SYNRG: variants seen among roughly 807,000 people sequenced by gnomAD.
SYNRG encodes AP1 gamma subunit binding protein 1.
Under a neutral mutation model 130.9 loss-of-function variants are expected in SYNRG, and 37 were observed. The ratio of observed to expected loss-of-function variants is 0.28; its 90% CI spans 0.22 to 0.37. The LOEUF is 0.37. Ranked by LOEUF, SYNRG falls within the 10% of genes least tolerant of loss-of-function variation. SYNRG has a pLI of 1.00. For missense variants in SYNRG, 1,338 were observed against 1,588.9 expected, an observed-to-expected ratio of 0.84 and a Z score of 2.68; for synonymous variants, 539 against 568.1, an observed-to-expected ratio of 0.95 and a Z score of 0.73.
rs118081214 is a variant in SYNRG at position 37,596,845 on chromosome 17, C to A, written c.119-501G>T. On this transcript the variant is annotated intron_variant, in intron 2 of 21. Transcript: ENST00000612223. Reference sequence around the variant, plus strand: ...GTGGCATGATCTCAGCTCACTGCAACTTCCACCTCCTGGGTTCAAGCCTCC... The same window carrying A: ...GTGGCATGATCTCAGCTCACTGCAAATTCCACCTCCTGGGTTCAAGCCTCC... 8.4e-3 allele frequency among the ~76,000 whole-genome samples: 1,278 copies of A among 152,256 alleles called. 10 individuals carry two copies. The highest frequency in any genetic ancestry group is 0.014 in the Middle Eastern group (4 of 294).
At chr17:37,608,931 G>A (rs776341909) in intron 1 of SYNRG, among the ~76,000 whole-genome samples, 5 of 152,154 alleles carry the variant, frequency 3.3e-5, no homozygotes, top group Non-Finnish European at 5.9e-5. Flanking sequence ...GAAGACCCTG[G>A]TCGCTTCAGA....
chr17:37,603,698 C>G (rs2063496221), intron 1 of SYNRG, among the ~76,000 whole-genome samples: 1 of 152,176 alleles, frequency 6.6e-6, no homozygotes, highest in Admixed American at 6.5e-5. Flanking sequence ...GCTTAAAATA[C>G]TCAGTAAACC....
intron 17 of SYNRG, 31 bp from the exon 18 acceptor site, chr17:37,538,451 T>C (rs2057411072): frequency 1.3e-6 from 2 of 1,491,180 alleles, no homozygotes; most frequent in Non-Finnish European, 9.2e-7. Flanking sequence ...TCACCTTACA[T>C]AACTGAGAAA....
rs527677576 is a variant in SYNRG at position 37,550,552 on chromosome 17, AAG to A, written c.2608+2561_2608+2562del. Reference sequence around the variant, plus strand: ...TTAACACAAGACTTACAGATCACAAAAGAGAGTGATACAGAAGAGCTGGAAAA... The same window carrying A: ...TTAACACAAGACTTACAGATCACAAAAGAGTGATACAGAAGAGCTGGAAAA... On this transcript the variant is annotated intron_variant, in intron 14 of 21. Coordinates refer to ENST00000612223, the MANE Select transcript of SYNRG (RefSeq NM_007247.6). Among the ~76,000 whole-genome samples, 3 of 152,342 alleles carry A rather than the reference AAG, an allele frequency of 2.0e-5. No individual in the cohort carries two copies. The South Asian group carries it at 6.2e-4, about 32-fold the overall frequency.
At chr17:37,583,030 G>A (rs769185717) in intron 6 of SYNRG, among the ~76,000 whole-genome samples, 7 of 150,682 alleles carry the variant, frequency 4.6e-5, no homozygotes, top group African/African-American at 1.2e-4. Flanking sequence ...TCACTCTGTC[G>A]TCCAGGCTGG....
chr17:37,578,947 T>C (rs1443008496), intron 6 of SYNRG, among the ~76,000 whole-genome samples: 1 of 152,236 alleles, frequency 6.6e-6, no homozygotes, highest in Non-Finnish European at 1.5e-5. Flanking sequence ...TTAAATCACC[T>C]TTCTGGAATG....
chr17:37,579,368 T>A, intron 6 of SYNRG: 1 of 1,304,310 alleles, frequency 7.7e-7, no homozygotes, highest in Non-Finnish European at 1.0e-6. Context: ...GTCACTGAAT[T>A]CTTCTTCATC....
intron 6 of SYNRG, among the ~76,000 whole-genome samples, chr17:37,578,410 G>C (rs2061026696): frequency 6.6e-6 from 1 of 152,102 alleles, no homozygotes; most frequent in Admixed American, 6.5e-5. Context: ...AGAGATTTTA[G>C]AGAATGTAAA....
rs138286366 is a variant in SYNRG at position 37,587,447 on chromosome 17, A to C, written c.241-898T>G. Among the ~76,000 whole-genome samples the C allele has an allele frequency of 4.6e-3, 706 of 152,268 alleles. 2 individuals carry two copies. Among genetic ancestry groups the C allele is most frequent in the Middle Eastern group, 0.01 (3 of 294 alleles). On this transcript the variant is annotated intron_variant, in intron 3 of 21. Coordinates refer to ENST00000612223, the MANE Select transcript of SYNRG (RefSeq NM_007247.6). ...TGTCCCTAACTAAAGTCTGTCCGTG[A>C]AACACTCTCATTTGGAGACTGCTAC...
At chr17:37,525,909 T>G (rs1369228168) in intron 19 of SYNRG, among the ~76,000 whole-genome samples, 1 of 152,204 alleles carries the variant, frequency 6.6e-6, no homozygotes, top group South Asian at 2.1e-4. Flanking sequence ...GAGGTTGAAG[T>G]GAGCCAAGAT....
rs1290514566 is a variant in SYNRG, at chr17:37,519,034, T to C, written c.3851A>G (p.Tyr1284Cys). Residue 1284 changes from tyrosine to cysteine, a missense_variant, in exon 22 of 22, where the codon TAT becomes TGT. Coordinates refer to ENST00000612223, the MANE Select transcript of SYNRG (RefSeq NM_007247.6). Reference protein sequence around the residue: ...NSETDSFKLAYGGHQYHASCA... With the variant: ...NSETDSFKLACGGHQYHASCA... ...GCTGGCGTGATACTGGTGCCCTCCA[T>C]AGGCCAGCTTGAAACTGTCTGTTTC... 4.3e-6 allele frequency: 7 copies of C among 1,614,232 alleles called. No homozygotes were observed. The highest frequency in any genetic ancestry group is 5.9e-6 in the Non-Finnish European group (7 of 1,180,028).
intron 19 of SYNRG, among the ~76,000 whole-genome samples, chr17:37,533,536 A>C (rs1031358830): frequency 4.7e-5 from 7 of 149,996 alleles, no homozygotes; most frequent in African/African-American, 1.2e-4. Flanking sequence ...TTAGTTAATA[A>C]TTTTTTTAAA....
intron 1 of SYNRG, among the ~76,000 whole-genome samples, chr17:37,606,758 G>A (rs774783525): frequency 6.6e-6 from 1 of 152,048 alleles, no homozygotes; most frequent in Non-Finnish European, 1.5e-5. Flanking sequence ...CAAAAGTAGG[G>A]TAATATTAAA....
chr17:37,554,282 G>A (rs2058937406), intron 13 of SYNRG, among the ~76,000 whole-genome samples: 1 of 152,090 alleles, frequency 6.6e-6, no homozygotes, highest in African/African-American at 2.4e-5. Flanking sequence ...AGTACCTGAC[G>A]GTACCATTTT....
intron 19 of SYNRG, among the ~76,000 whole-genome samples, chr17:37,522,559 C>A (rs979196751): frequency 6.6e-6 from 1 of 152,006 alleles, no homozygotes; most frequent in Non-Finnish European, 1.5e-5. Context: ...CCTCCGCCTC[C>A]TGGGCTCAAG....
chr17:37,588,545 G>A (rs900613586), intron 3 of SYNRG, among the ~76,000 whole-genome samples: 3 of 152,182 alleles, frequency 2.0e-5, no homozygotes, highest in South Asian at 2.1e-4. Flanking sequence ...TTACAGGCAT[G>A]AGCCACCACG....
intron 11 of SYNRG, among the ~76,000 whole-genome samples, chr17:37,565,220 C>T (rs1284957937): frequency 6.6e-6 from 1 of 151,648 alleles, no homozygotes; most frequent in Non-Finnish European, 1.5e-5. Flanking sequence ...GCCGAGATCG[C>T]GCAACTGCAC....
intron 19 of SYNRG, among the ~76,000 whole-genome samples, chr17:37,528,958 T>A (rs532088633): frequency 6.6e-6 from 1 of 152,346 alleles, no homozygotes; most frequent in East Asian, 1.9e-4. Context: ...GGAAAGCACA[T>A]GGGTAATTAG....
intron 19 of SYNRG, among the ~76,000 whole-genome samples, chr17:37,530,931 C>T (rs2056567213): frequency 1.3e-5 from 2 of 152,200 alleles, no homozygotes; most frequent in African/African-American, 4.8e-5. Context: ...TGTCAGGTTG[C>T]CATGCAGATT....
Sources: gnomAD v4.1 joint callset for allele counts (sites outside exome capture counted in the v4.1 genomes callset) on GRCh38, gnomAD v4.1.1 for gene constraint, MANE v1.5 for transcripts, NCBI Gene and HGNC (gene_info 2026-07-23, HGNC 2026-07-21) for gene names.